Variants in DRC2 observed in about 807,000 individuals in gnomAD.
DRC2 encodes the protein dynein regulatory complex subunit 2, also known as coiled-coil domain containing 65.
At chr12:48,916,161 G>A in the DRC2 span, among the ~76,000 whole-genome samples, 126 of 151,232 alleles carry the variant, frequency 8.3e-4, no homozygotes, top group African/African-American at 3.0e-3. Flanking sequence ...GACGATGGGC[G>A]GCCAGGCAGA....
chr12:48,918,637 C>A, the DRC2 span: 1 of 1,574,308 alleles, frequency 6.4e-7, no homozygotes, highest in South Asian at 1.1e-5. Context: ...TCACTGAAGA[C>A]CCTCAGTTGG....
the DRC2 span, among the ~76,000 whole-genome samples, chr12:48,919,548 C>T: frequency 6.6e-6 from 1 of 150,640 alleles, no homozygotes; most frequent in Non-Finnish European, 1.5e-5. Context: ...AAGTTTTATT[C>T]ACTCTGTTGC....
the DRC2 span, among the ~76,000 whole-genome samples, chr12:48,909,077 CTT>C: frequency 2.3e-5 from 2 of 87,140 alleles, no homozygotes; most frequent in South Asian, 8.0e-4. Flanking sequence ...GAGTTTTGCT[CTT>C]GTTGCCCAGG....
the DRC2 span, chr12:48,921,184 T>C: frequency 2.2e-5 from 35 of 1,613,978 alleles, no homozygotes; most frequent in Non-Finnish European, 2.9e-5. Context: ...GTGGACTACA[T>C]AGGAATGGAG....
At chr12:48,910,953 G>A in the DRC2 span, among the ~76,000 whole-genome samples, 1 of 152,180 alleles carries the variant, frequency 6.6e-6, no homozygotes, top group African/African-American at 2.4e-5. Flanking sequence ...GCTGAGGTAG[G>A]AGGATCACCT....
At chr12:48,911,425 A>C in the DRC2 span, among the ~76,000 whole-genome samples, 6 of 151,642 alleles carry the variant, frequency 4.0e-5, no homozygotes, top group East Asian at 9.7e-4. Flanking sequence ...GGGCATGGTG[A>C]TGTGTGCCTG....
the DRC2 span, chr12:48,921,527 T>TC: frequency 4.0e-6 from 6 of 1,511,324 alleles, no homozygotes; most frequent in Non-Finnish European, 5.3e-6. Flanking sequence ...ATTTTTTTTT[T>TC]TTTTTGAGAA....
chr12:48,917,498 C>G, the DRC2 span, among the ~76,000 whole-genome samples: 1 of 151,762 alleles, frequency 6.6e-6, no homozygotes, highest in African/African-American at 2.4e-5. Flanking sequence ...GAAAAATGCT[C>G]AAGGCTACTA....
the DRC2 span, chr12:48,921,452 T>A: frequency 6.2e-7 from 1 of 1,600,664 alleles, no homozygotes; most frequent in Non-Finnish European, 8.6e-7. Context: ...AAAATATAAT[T>A]GAAGCAGCCC....
At chr12:48,916,343 A>G in the DRC2 span, among the ~76,000 whole-genome samples, 2 of 152,208 alleles carry the variant, frequency 1.3e-5, no homozygotes, top group South Asian at 4.1e-4. Context: ...TCCGTCTGCA[A>G]TCCCGGCACC....
At chr12:48,915,113 T>C in the DRC2 span, among the ~76,000 whole-genome samples, 1 of 49,122 alleles carries the variant, frequency 2.0e-5, no homozygotes, top group Non-Finnish European at 5.3e-5. Context: ...CCACTTTCTT[T>C]CTTTTTTTTT....
At chr12:48,907,086 G>A in the DRC2 span, among the ~76,000 whole-genome samples, 1 of 151,896 alleles carries the variant, frequency 6.6e-6, no homozygotes, top group Non-Finnish European at 1.5e-5. Context: ...GTGGTGGCGG[G>A]CACCTGTAGT....
chr12:48,920,441 TAAAAAAAAAAAAAAA>T, the DRC2 span, among the ~76,000 whole-genome samples: 1 of 67,816 alleles, frequency 1.5e-5, no homozygotes, highest in Non-Finnish European at 2.6e-5. Context: ...AACTCCATCT[TAAAAAAAAAAAAAAA>T]AAAAAAAAAA....
At chr12:48,921,563 T>G in the DRC2 span, 1 of 1,466,456 alleles carries the variant, frequency 6.8e-7, no homozygotes, top group South Asian at 1.5e-5. Context: ...TATTAAAAAT[T>G]TCCATGGAGT....
At chr12:48,904,322 C>T in the DRC2 span, 5 of 1,608,164 alleles carry the variant, frequency 3.1e-6, 1 homozygote, top group South Asian at 4.4e-5. Flanking sequence ...TTCCCGGATC[C>T]AATCCCCTGC....
At chr12:48,913,683 G>C in the DRC2 span, among the ~76,000 whole-genome samples, 2 of 152,006 alleles carry the variant, frequency 1.3e-5, no homozygotes, top group African/African-American at 2.4e-5. Flanking sequence ...TTTTAGTAGA[G>C]ATGGGGTTTC....
chr12:48,912,034 C>T, the DRC2 span, among the ~76,000 whole-genome samples: 5 of 151,624 alleles, frequency 3.3e-5, no homozygotes, highest in Non-Finnish European at 7.4e-5. Context: ...CCGAGGATGG[C>T]GGATCACGAG....
chr12:48,916,098 C>T, the DRC2 span, among the ~76,000 whole-genome samples: 7 of 147,634 alleles, frequency 4.7e-5, no homozygotes, highest in African/African-American at 1.5e-4. Context: ...CAGGCAGAGA[C>T]GCTCCTCACT....
At chr12:48,916,494 G>A in the DRC2 span, among the ~76,000 whole-genome samples, 6 of 152,196 alleles carry the variant, frequency 3.9e-5, no homozygotes, top group Non-Finnish European at 8.8e-5. Context: ...CAGGCACTCG[G>A]CAGGCTGAGG....
Sources: gnomAD v4.1 joint callset for allele counts (sites outside exome capture counted in the v4.1 genomes callset) on GRCh38, gnomAD v4.1.1 for gene constraint, MANE v1.5 for transcripts, NCBI Gene and HGNC (gene_info 2026-07-23, HGNC 2026-07-21) for gene names.